Variants in RGS21 observed in about 807,000 individuals in gnomAD.
RGS21 encodes regulator of G protein signaling 21, also known as regulator of G-protein signalling 21.
Under a neutral mutation model 18.7 loss-of-function variants are expected in RGS21, and 19 were observed. The ratio of observed to expected loss-of-function variants is 1.01; its 90% CI spans 0.71 to 1.49. RGS21 has a LOEUF of 1.49. Ranked by LOEUF, RGS21 falls within the 40% of genes most tolerant of loss-of-function variation. The probability of loss-of-function intolerance (pLI) is 0.00; values close to 1 mark genes in which losing one functional copy is unlikely to be tolerated. For synonymous variants in RGS21, 56 were observed against 57.8 expected, an observed-to-expected ratio of 0.97 and a Z score of 0.14; for missense variants, 194 against 176.8, an observed-to-expected ratio of 1.10 and a Z score of -0.55.
At chr1:192,325,680 G>C (rs1045230431) in intron 1 of RGS21, among the ~76,000 whole-genome samples, 1 of 152,012 alleles carries the variant, frequency 6.6e-6, no homozygotes, top group African/African-American at 2.4e-5. Context: ...ATAGTGGTTT[G>C]ATTTGCATGT....
intron 1 of RGS21, among the ~76,000 whole-genome samples, chr1:192,335,626 T>C (rs1214242361): frequency 6.6e-6 from 1 of 152,196 alleles, no homozygotes; most frequent in Non-Finnish European, 1.5e-5. Flanking sequence ...CATTGGATAT[T>C]GCAGTAGAAA....
chr1:192,343,201 C>G lies in RGS21; in HGVS notation c.11+154C>G, dbSNP rs377221606. On this transcript the variant is annotated intron_variant, in intron 2 of 4. Coordinates refer to ENST00000417209, the MANE Select transcript of RGS21 (RefSeq NM_001039152.3). ...TTTCTCCTTTCTCTACTGATTTCTT[C>G]TTTTTGAAAACATGTCAAGAATTTG... Among the ~76,000 whole-genome samples, 9 of 152,010 alleles carry G rather than the reference C, an allele frequency of 5.9e-5. No homozygotes were observed. The East Asian group carries it at 1.3e-3, about 23-fold the overall frequency.
At chr1:192,358,679 A>G (rs549270871) in intron 4 of RGS21, among the ~76,000 whole-genome samples, 1 of 152,238 alleles carries the variant, frequency 6.6e-6, no homozygotes, top group Admixed American at 6.6e-5. Flanking sequence ...TTTGAATGTG[A>G]GAGCACAGTT....
At chr1:192,331,503 T>C (rs1462413317) in intron 1 of RGS21, among the ~76,000 whole-genome samples, 1 of 151,800 alleles carries the variant, frequency 6.6e-6, no homozygotes, top group Non-Finnish European at 1.5e-5. Flanking sequence ...GCCCAGATCG[T>C]GCCACTGCAC....
chr1:192,327,870 CCT>C (rs776471470), intron 1 of RGS21, among the ~76,000 whole-genome samples: 9 of 152,100 alleles, frequency 5.9e-5, no homozygotes, highest in Admixed American at 3.9e-4. Flanking sequence ...TGTTATATCC[CCT>C]GTTATATGCA....
At chr1:192,360,910 C>A (rs1659179421) in intron 4 of RGS21, among the ~76,000 whole-genome samples, 1 of 151,998 alleles carries the variant, frequency 6.6e-6, no homozygotes, top group African/African-American at 2.4e-5. Context: ...TTTTCAAAAT[C>A]TGATTTCTTG....
chr1:192,329,974 A>T (rs1349180517), intron 1 of RGS21, among the ~76,000 whole-genome samples: 1 of 152,170 alleles, frequency 6.6e-6, no homozygotes, highest in East Asian at 1.9e-4. Context: ...GGTTGAGGGA[A>T]GAAGAAAAAT....
chr1:192,340,523 T>A (rs1276948804), intron 1 of RGS21, among the ~76,000 whole-genome samples: 1 of 152,138 alleles, frequency 6.6e-6, no homozygotes, highest in Non-Finnish European at 1.5e-5. Flanking sequence ...AGGAGGGTTT[T>A]AAAGAGAGGA....
intron 1 of RGS21, among the ~76,000 whole-genome samples, chr1:192,328,101 A>G (rs1557974210): frequency 6.6e-6 from 1 of 152,172 alleles, no homozygotes; most frequent in Non-Finnish European, 1.5e-5. Flanking sequence ...CATATTCTCA[A>G]CTTTAAAAAA....
At chr1:192,349,093 A>T (rs1250573896) in intron 3 of RGS21, among the ~76,000 whole-genome samples, 2 of 152,156 alleles carry the variant, frequency 1.3e-5, no homozygotes, top group Non-Finnish European at 2.9e-5. Context: ...CTTTCTCCTT[A>T]AGTGTATAAG....
intron 4 of RGS21, among the ~76,000 whole-genome samples, chr1:192,358,856 C>G (rs1202687353): frequency 1.3e-5 from 2 of 151,972 alleles, no homozygotes; most frequent in African/African-American, 4.8e-5. Flanking sequence ...GTTTGCATCG[C>G]TTTCAGTTAA....
chr1:192,341,735 G>C (rs1364648487), intron 1 of RGS21, among the ~76,000 whole-genome samples: 3 of 148,864 alleles, frequency 2.0e-5, no homozygotes, highest in African/African-American at 7.4e-5. Context: ...CCTATTCCTG[G>C]CTCCTATTTC....
At chr1:192,359,970 T>A (rs1659165017) in intron 4 of RGS21, among the ~76,000 whole-genome samples, 1 of 151,868 alleles carries the variant, frequency 6.6e-6, no homozygotes, top group African/African-American at 2.4e-5. Context: ...AATGGAAATA[T>A]CTTAAATTGG....
At chr1:192,325,576 G>C (rs1489687027) in intron 1 of RGS21, among the ~76,000 whole-genome samples, 2 of 152,064 alleles carry the variant, frequency 1.3e-5, no homozygotes, top group African/African-American at 4.8e-5. Context: ...TCCCACCAGT[G>C]TATAAGTGTT....
intron 3 of RGS21, 129 bp downstream of exon 3, chr1:192,347,518 T>A (rs1202521495): frequency 3.7e-6 from 2 of 537,466 alleles, no homozygotes; most frequent in African/African-American, 1.9e-5. Context: ...TAATCATAAA[T>A]TCATAAAAAT....
At position 192,352,124 on chromosome 1, in the gene RGS21, G is replaced by T. The variant is rs774150505; in HGVS notation, c.166G>T (p.Asp56Tyr). 1.3e-5 allele frequency: 21 copies of T among 1,610,922 alleles called. No homozygotes were observed. Among genetic ancestry groups the T allele is most frequent in the Non-Finnish European group, 1.8e-5 (21 of 1,178,530 alleles). Residue 56 changes from aspartate to tyrosine, a missense_variant, in exon 4 of 5, where the codon GAC becomes TAC. Coordinates refer to ENST00000417209, the MANE Select transcript of RGS21 (RefSeq NM_001039152.3). ...ENVEFWLACE[D>Y]FKKTKNADKI... ...TGTTGAGTTCTGGCTTGCCTGTGAA[G>T]ACTTTAAGAAAACGAAAAATGCAGA...
intron 1 of RGS21, among the ~76,000 whole-genome samples, chr1:192,331,638 A>G (rs1223705655): frequency 6.6e-6 from 1 of 151,836 alleles, no homozygotes; most frequent in Non-Finnish European, 1.5e-5. Flanking sequence ...AAAATTTGAC[A>G]TATTTAAAAA....
chr1:192,326,898 A>G (rs1658575274), intron 1 of RGS21, among the ~76,000 whole-genome samples: 1 of 152,164 alleles, frequency 6.6e-6, no homozygotes, highest in Admixed American at 6.6e-5. Context: ...AATATTATAG[A>G]TAGTAAAGTT....
chr1:192,335,333 T>G (rs113204565), intron 1 of RGS21, among the ~76,000 whole-genome samples: 520 of 152,286 alleles, frequency 3.4e-3, no homozygotes, highest in African/African-American at 0.012. Flanking sequence ...AGAATGAAAT[T>G]AGATACTCTC....
Sources: allele counts gnomAD v4.1 joint callset (sites outside exome capture counted in the v4.1 genomes callset), GRCh38; gene constraint gnomAD v4.1.1; transcripts MANE v1.5; gene names NCBI Gene and HGNC (gene_info 2026-07-23, HGNC 2026-07-21).